RFX2: variants seen among roughly 807,000 people sequenced by gnomAD.
The protein encoded by RFX2 is DNA-binding protein RFX2.
Under a neutral mutation model 87.8 loss-of-function variants are expected in RFX2, and 20 were observed. That is an observed-to-expected ratio of 0.23 (90% CI 0.16 to 0.33). The LOEUF is 0.33. Among genes scored for constraint, RFX2 ranks in the 10% least tolerant of loss-of-function variants. The pLI, the probability that RFX2 is intolerant of heterozygous loss-of-function variation, is 1.00. For synonymous variants in RFX2, 397 were observed against 431.3 expected, an observed-to-expected ratio of 0.92 and a Z score of 0.98; for missense variants, 767 against 1,012.3, an observed-to-expected ratio of 0.76 and a Z score of 3.29.
In RFX2 at chr19:6,022,085, T is replaced by C. The variant is rs916712830; in HGVS notation, c.597+4078A>G. 6.6e-6 allele frequency among the ~76,000 whole-genome samples: 1 copy of C among 151,974 alleles called. No individual in the cohort carries two copies. The highest frequency in any genetic ancestry group is 1.5e-5 in the Non-Finnish European group (1 of 68,000). Reference sequence around the variant, plus strand: ...GGTTGGGGGCCGAGCGCCTGGAAGATTGGCTGCCCCTGCCTCAGATGGGAC... The same window carrying C: ...GGTTGGGGGCCGAGCGCCTGGAAGACTGGCTGCCCCTGCCTCAGATGGGAC... On this transcript the variant is annotated intron_variant, in intron 6 of 17. Transcript: ENST00000303657. The surrounding 1 kb of genome is among the most constrained non-coding windows in gnomAD (Gnocchi z 6.2).
intron 6 of RFX2, among the ~76,000 whole-genome samples, chr19:6,019,320 C>T (rs1289936575): frequency 6.6e-6 from 1 of 152,052 alleles, no homozygotes; most frequent in East Asian, 1.9e-4. Flanking sequence ...TCATTCACAC[C>T]CTTCATCTTC....
intron 5 of RFX2, among the ~76,000 whole-genome samples, chr19:6,035,818 C>T (rs1255507663): frequency 6.6e-6 from 1 of 150,526 alleles, no homozygotes; most frequent in Non-Finnish European, 1.5e-5. Flanking sequence ...GATTCGTATC[C>T]AAGATGATGA....
Position 5,997,167 on chromosome 19 carries a change from C to T in RFX2, c.1906G>A (p.Gly636Ser), listed in dbSNP as rs1451726608. The T allele has an allele frequency of 1.2e-6, 2 of 1,613,454 alleles. No homozygotes were observed. Among genetic ancestry groups the T allele is most frequent in the South Asian group, 1.1e-5 (1 of 91,072 alleles). ...AGCAGGCGGATGAGGTGGAAGGAGC[C>T]GAAGCTGGCAGCGCTGCGCAGGGTC... is the stretch of plus-strand genomic sequence containing the variant. ...DLTLRSAASF[G>S]SFHLIRLLYD... Residue 636 changes from glycine to serine, a missense_variant, in exon 16 of 18, where the codon GGC (glycine) becomes AGC (serine). By Grantham distance (56) the Gly-to-Ser change is moderately conservative. Around this residue, in one of 2 missense-constraint regions of RFX2, gnomAD observed 621 missense variants for 873.0 expected, o/e 0.71. Coordinates refer to ENST00000303657, the MANE Select transcript of RFX2 (RefSeq NM_000635.4). This position sits in a 1 kb window ranked among gnomAD's most constrained non-coding sequence, Gnocchi z 4.2.
At position 6,064,819 on chromosome 19, in the gene RFX2, C is replaced by T. The variant is rs1185424325; in HGVS notation, c.-8-17315G>A. 1.3e-5 allele frequency among the ~76,000 whole-genome samples: 2 copies of T among 152,180 alleles called. No individual in the cohort carries two copies. The highest frequency in any genetic ancestry group is 4.8e-5 in the African/African-American group (2 of 41,438). ...CCTTTTCAATCTACCTCCTACCTCCCCTCCAGTCGTGATTTGATTCTGGAA... is the reference window on the plus strand; with the variant it reads ...CCTTTTCAATCTACCTCCTACCTCCTCTCCAGTCGTGATTTGATTCTGGAA... On this transcript the variant is annotated intron_variant, in intron 1 of 17. Coordinates refer to ENST00000303657, the MANE Select transcript of RFX2 (RefSeq NM_000635.4). The surrounding 1 kb of genome is among the most constrained non-coding windows in gnomAD (Gnocchi z 4.8).
rs1255815200 is a variant in RFX2 at position 6,064,319 on chromosome 19, T to C, written c.-8-16815A>G. Among the ~76,000 whole-genome samples the C allele has an allele frequency of 6.6e-6, 1 of 152,202 alleles. No homozygotes were observed. Among genetic ancestry groups the C allele is most frequent in the East Asian group, 1.9e-4 (1 of 5,182 alleles). On this transcript the variant is annotated intron_variant, in intron 1 of 17. Transcript: ENST00000303657. The surrounding 1 kb of genome is among the most constrained non-coding windows in gnomAD (Gnocchi z 4.8). ...ATCATGCTTTTGTGTTCTCCTTCTC[T>C]TACCAGCCTTTCTTTCCCTCTCACG...
Position 6,061,253 on chromosome 19 carries a change from A to C in RFX2, c.-8-13749T>G, listed in dbSNP as rs534315555. Among the ~76,000 whole-genome samples, 1 of 152,288 alleles carries C rather than the reference A, an allele frequency of 6.6e-6. No individual in the cohort carries two copies. The highest frequency in any genetic ancestry group is 1.9e-4 in the East Asian group (1 of 5,186). ...TTCCAGCCTCTGCCCTCTCCCAGCC[A>C]ATTTTCTTTCACATTGGGGTGATTC... is the stretch of plus-strand genomic sequence containing the variant. On this transcript the variant is annotated intron_variant, in intron 1 of 17. Coordinates refer to ENST00000303657, the MANE Select transcript of RFX2 (RefSeq NM_000635.4). The surrounding 1 kb of genome is among the most constrained non-coding windows in gnomAD (Gnocchi z 5.2).
rs1297851816 is a variant in RFX2, at chr19:6,020,890, C to T, written c.598-4619G>A. On this transcript the variant is annotated intron_variant, in intron 6 of 17. Transcript: ENST00000303657. The surrounding 1 kb of genome is among the most constrained non-coding windows in gnomAD (Gnocchi z 5.3). ...TGCCACAATCTGTCAGGACAGCACA[C>T]TTCTTGATGAAATGGATCAAATCAT... 1.3e-5 allele frequency among the ~76,000 whole-genome samples: 2 copies of T among 152,246 alleles called. No homozygotes were observed. The highest frequency in any genetic ancestry group is 2.1e-4 in the South Asian group (1 of 4,832).
chr19:6,053,708 A>G (rs2087293793), intron 1 of RFX2, among the ~76,000 whole-genome samples: 1 of 152,136 alleles, frequency 6.6e-6, no homozygotes, highest in Admixed American at 6.5e-5. Context: ...TAATCCCAGC[A>G]CTTTGGGAGG....
In RFX2 at chr19:5,997,897, A is replaced by G. The variant is rs2086437728; in HGVS notation, c.1860-684T>C. Among the ~76,000 whole-genome samples, 1 of 152,190 alleles carries G rather than the reference A, an allele frequency of 6.6e-6. No individual in the cohort carries two copies. The highest frequency in any genetic ancestry group is 2.1e-4 in the South Asian group (1 of 4,834). ...ACATGAAATTCACATTTTGGTGTCC[A>G]CAGACAGTTTCACTGGCACGCGTCA... On this transcript the variant is annotated intron_variant, in intron 15 of 17. Transcript: ENST00000303657. The surrounding 1 kb of genome is among the most constrained non-coding windows in gnomAD (Gnocchi z 4.2).
chr19:6,053,622 CCTGTCAATTTTG>C (rs1200756850), intron 1 of RFX2, among the ~76,000 whole-genome samples: 1 of 152,064 alleles, frequency 6.6e-6, no homozygotes, highest in African/African-American at 2.4e-5. Context: ...TCTGTATTTT[CCTGTCAATTTTG>C]CTGTGAACCT....
rs1486500470 is a variant in RFX2 at position 5,998,714 on chromosome 19, G to A, written c.1860-1501C>T. On this transcript the variant is annotated intron_variant, in intron 15 of 17. Transcript: ENST00000303657. The surrounding 1 kb of genome is among the most constrained non-coding windows in gnomAD (Gnocchi z 4.2). The stretch of plus-strand genomic sequence containing the variant: ...TCCCCACAGCCCCGGTGTCTGGTGC[G>A]ATGCTTCAGTCCAAAGTATTTCCAG... 6.6e-6 allele frequency among the ~76,000 whole-genome samples: 1 copy of A among 152,114 alleles called. No homozygotes were observed. The highest frequency in any genetic ancestry group is 1.5e-5 in the Non-Finnish European group (1 of 68,034).
chr19:6,009,690 T>C (rs1321225363), intron 9 of RFX2, among the ~76,000 whole-genome samples: 3 of 152,200 alleles, frequency 2.0e-5, no homozygotes, highest in African/African-American at 4.8e-5. Flanking sequence ...CAAGTGATCC[T>C]CCTGCCTCAG....
In RFX2 at chr19:6,007,244, C is replaced by A; in HGVS notation, c.1248-78G>T. ...TCAGCCACGGGAGCGAGCAGAGAGC[C>A]GGGCTGCGGGACTTTTGCCCAACAG... On this transcript the variant is annotated intron_variant, in intron 11 of 17. Transcript: ENST00000303657. This position sits in a 1 kb window ranked among gnomAD's most constrained non-coding sequence, Gnocchi z 8.2. The A allele has an allele frequency of 1.4e-6, 2 of 1,472,544 alleles. No individual in the cohort carries two copies. The highest frequency in any genetic ancestry group is 4.9e-4 in the Middle Eastern group (2 of 4,048). 91.2% of individuals were successfully genotyped at this position (1,472,544 alleles called of 1,614,324 possible).
At chr19:5,996,539 G>T (rs2086415251) in intron 16 of RFX2, among the ~76,000 whole-genome samples, 2 of 152,272 alleles carry the variant, frequency 1.3e-5, no homozygotes, top group African/African-American at 4.8e-5. Context: ...CGTGGGTGCT[G>T]TGCTGCAGGA....
chr19:6,061,614 G>A lies in RFX2; in HGVS notation c.-8-14110C>T, dbSNP rs191902225. Among the ~76,000 whole-genome samples the A allele has an allele frequency of 6.0e-4, 92 of 152,308 alleles. No individual in the cohort carries two copies. The highest frequency in any genetic ancestry group is 2.1e-3 in the Admixed American group (32 of 15,302). On this transcript the variant is annotated intron_variant, in intron 1 of 17. Coordinates refer to ENST00000303657, the MANE Select transcript of RFX2 (RefSeq NM_000635.4). The surrounding 1 kb of genome is among the most constrained non-coding windows in gnomAD (Gnocchi z 5.2). ...CGCCTCTGGATCTTACTGGGGAGTC[G>A]GCTGCAGCCGGGGGAAAAAGACTTT...
In RFX2 at chr19:5,997,358, A is replaced by T. The variant is rs2086427444; in HGVS notation, c.1860-145T>A. 1.1e-6 allele frequency: 1 copy of T among 941,036 alleles called. No individual in the cohort carries two copies. The highest frequency in any genetic ancestry group is 1.9e-5 in the South Asian group (1 of 52,948). 58.3% of individuals were successfully genotyped at this position (941,036 alleles called of 1,614,324 possible). ...GAGTGATCCTAAGACGTGCAGGCCTACGCGGGGGCTGACGGGCTGCCGAGA... is the reference window on the plus strand; with the variant it reads ...GAGTGATCCTAAGACGTGCAGGCCTTCGCGGGGGCTGACGGGCTGCCGAGA... On this transcript the variant is annotated intron_variant, in intron 15 of 17. Transcript: ENST00000303657. This position sits in a 1 kb window ranked among gnomAD's most constrained non-coding sequence, Gnocchi z 4.2.
chr19:6,090,358 G>A, intron 1 of RFX2, among the ~76,000 whole-genome samples: 1 of 141,016 alleles, frequency 7.1e-6, no homozygotes. Flanking sequence ...GTGACATAGT[G>A]AGACTCTGTC....
At position 6,064,115 on chromosome 19, in the gene RFX2, T is replaced by C. The variant is rs1240157335; in HGVS notation, c.-8-16611A>G. On this transcript the variant is annotated intron_variant, in intron 1 of 17. Coordinates refer to ENST00000303657, the MANE Select transcript of RFX2 (RefSeq NM_000635.4). The surrounding 1 kb of genome is among the most constrained non-coding windows in gnomAD (Gnocchi z 4.8). Reference sequence around the variant, plus strand: ...CCTCACCCCAACCCCAGACCCTACGTAGCACATTGCCTGCAAAGATGCTCA... The same window carrying C: ...CCTCACCCCAACCCCAGACCCTACGCAGCACATTGCCTGCAAAGATGCTCA... Among the ~76,000 whole-genome samples, 1 of 152,166 alleles carries C rather than the reference T, an allele frequency of 6.6e-6. No individual in the cohort carries two copies. Among genetic ancestry groups the C allele is most frequent in the Non-Finnish European group, 1.5e-5 (1 of 68,014 alleles).
intron 1 of RFX2, among the ~76,000 whole-genome samples, chr19:6,072,324 G>A (rs865831635): frequency 6.6e-6 from 1 of 152,154 alleles, no homozygotes; most frequent in Non-Finnish European, 1.5e-5. Context: ...AAGCCTTGGC[G>A]GCCCAAGTAT....
Sources: gnomAD v4.1 joint callset for allele counts (sites outside exome capture counted in the v4.1 genomes callset) on GRCh38, gnomAD v4.1.1 for gene constraint, gnomAD v4.1.1 regional missense constraint, Gnocchi (gnomAD v3.1) non-coding constraint, MANE v1.5 for transcripts, NCBI Gene and HGNC (gene_info 2026-07-23, HGNC 2026-07-21) for gene names.